NSUN3: variants seen among roughly 807,000 people sequenced by gnomAD.
NSUN3 encodes NOP2/Sun RNA methyltransferase 3, also known as tRNA (cytosine(34)-C(5))-methyltransferase, mitochondrial.
Under a neutral mutation model 36.8 loss-of-function variants are expected in NSUN3, and 24 were observed. The ratio of observed to expected loss-of-function variants is 0.65; its 90% CI spans 0.47 to 0.92. The LOEUF is 0.92. Among genes scored for constraint, NSUN3 ranks in the 40% least tolerant of loss-of-function variants. The probability of loss-of-function intolerance (pLI) is 0.00; values close to 1 mark genes in which losing one functional copy is unlikely to be tolerated. For synonymous variants in NSUN3, 146 were observed against 145.2 expected (o/e 1.01, Z -0.04); for missense variants, 381 against 392.8 (o/e 0.97, Z 0.25).
chr3:94,113,349 A>G (rs191243966), intron 5 of NSUN3, among the ~76,000 whole-genome samples: 43 of 152,356 alleles, frequency 2.8e-4, no homozygotes, highest in Admixed American at 2.4e-3. Flanking sequence ...TTTTGTACAA[A>G]TAACTGTCTT....
chr3:94,078,732 T>C (rs1197106273), intron 2 of NSUN3, among the ~76,000 whole-genome samples: 1 of 152,192 alleles, frequency 6.6e-6, no homozygotes, highest in Admixed American at 6.5e-5. Flanking sequence ...TAAAGTCTGT[T>C]TTATCAGAGA....
intron 5 of NSUN3, among the ~76,000 whole-genome samples, chr3:94,124,082 T>A (rs2077474941): frequency 6.6e-6 from 1 of 151,526 alleles, no homozygotes. Context: ...AGAGTTGCCA[T>A]AACAAAATAA....
At chr3:94,092,536 G>A (rs1327913086) in intron 3 of NSUN3, among the ~76,000 whole-genome samples, 3 of 152,192 alleles carry the variant, frequency 2.0e-5, no homozygotes. Context: ...CTGTACAGAT[G>A]TGCTTTAAGA....
chr3:94,086,908 A>G (rs2077294711), intron 3 of NSUN3, among the ~76,000 whole-genome samples: 1 of 152,228 alleles, frequency 6.6e-6, no homozygotes, highest in Non-Finnish European at 1.5e-5. Context: ...TTTTAGTATT[A>G]TAAAGGATGA....
intron 2 of NSUN3, among the ~76,000 whole-genome samples, chr3:94,073,244 A>G (rs1309137384): frequency 6.6e-6 from 1 of 152,170 alleles, no homozygotes; most frequent in Non-Finnish European, 1.5e-5. Context: ...GCTCTTGTGA[A>G]TAGTGCTGCA....
chr3:94,095,723 A>G (rs2077335754), intron 5 of NSUN3, among the ~76,000 whole-genome samples: 1 of 151,980 alleles, frequency 6.6e-6, no homozygotes, highest in Non-Finnish European at 1.5e-5. Flanking sequence ...CTCTTGTTTA[A>G]TGCTAAACCA....
chr3:94,124,148 C>A (rs1308931206), intron 5 of NSUN3, among the ~76,000 whole-genome samples: 2 of 88,190 alleles, frequency 2.3e-5, no homozygotes, highest in South Asian at 4.6e-4. Flanking sequence ...TATTTTATTT[C>A]TTTTTTTTTT....
intron 3 of NSUN3, among the ~76,000 whole-genome samples, chr3:94,092,570 C>T (rs951237094): frequency 1.3e-5 from 2 of 151,912 alleles, no homozygotes; most frequent in Non-Finnish European, 2.9e-5. Context: ...CTCTTCTCAA[C>T]AAAATTGATG....
At position 94,126,635 on chromosome 3, in the gene NSUN3, G is replaced by A. The variant is rs115303426; in HGVS notation, c.*145G>A. Reference sequence around the variant, plus strand: ...TAATACTTTAGCATCTTAGAATCTAGGCTTGAGAATTGTTCAGGTGTATTT... The same window carrying A: ...TAATACTTTAGCATCTTAGAATCTAAGCTTGAGAATTGTTCAGGTGTATTT... On this transcript the variant is annotated 3_prime_UTR_variant, in exon 6 of 6. Transcript: ENST00000314622. The A allele has an allele frequency of 7.4e-4, 520 of 700,750 alleles. 3 individuals are homozygous for A. In the African/African-American group the frequency reaches 8.5e-3, roughly 11 times the overall value. 43.4% of individuals were successfully genotyped at this position (700,750 alleles called of 1,614,324 possible). A position where few individuals can be genotyped will look rare whatever the true frequency, so the allele number is the denominator to read the frequency against.
At chr3:94,112,244 C>G (rs2077420773) in intron 5 of NSUN3, among the ~76,000 whole-genome samples, 1 of 152,284 alleles carries the variant, frequency 6.6e-6, no homozygotes, top group African/African-American at 2.4e-5. Context: ...TAATACTTGA[C>G]CAAATATCTG....
intron 5 of NSUN3, among the ~76,000 whole-genome samples, chr3:94,095,913 A>ATTTT (rs60524751): frequency 8.0e-6 from 1 of 124,530 alleles, no homozygotes; most frequent in Non-Finnish European, 1.7e-5. Context: ...AGCCTAGCTA[A>ATTTT]TTTTTTTTTT....
intron 3 of NSUN3, among the ~76,000 whole-genome samples, chr3:94,086,474 TG>T (rs1377900499): frequency 6.6e-6 from 1 of 152,248 alleles, no homozygotes; most frequent in African/African-American, 2.4e-5. Flanking sequence ...CAAGCCTTCC[TG>T]TCCCTTAGAA....
intron 2 of NSUN3, among the ~76,000 whole-genome samples, chr3:94,064,778 G>C (rs895720204): frequency 2.6e-5 from 4 of 152,126 alleles, no homozygotes; most frequent in African/African-American, 9.7e-5. Flanking sequence ...TTACGCCTTT[G>C]CTTTGAGCAA....
intron 5 of NSUN3, among the ~76,000 whole-genome samples, chr3:94,108,099 T>G (rs2077398276): frequency 6.6e-6 from 1 of 151,802 alleles, no homozygotes; most frequent in South Asian, 2.1e-4. Flanking sequence ...AATTTTTATT[T>G]TGATATAATT....
chr3:94,094,945 C>A, intron 4 of NSUN3, 88 bp from the exon 5 acceptor site: 2 of 1,307,222 alleles, frequency 1.5e-6, no homozygotes, highest in Non-Finnish European at 2.1e-6. Flanking sequence ...TATTTGTTTA[C>A]CATGTTTTAG....
intron 3 of NSUN3, among the ~76,000 whole-genome samples, chr3:94,090,723 C>T (rs2077311531): frequency 6.6e-6 from 1 of 152,008 alleles, no homozygotes; most frequent in African/African-American, 2.4e-5. Context: ...ACTTAGTGGC[C>T]AAAACCTAAG....
chr3:94,075,147 C>T (rs2077241134), intron 2 of NSUN3, among the ~76,000 whole-genome samples: 1 of 151,628 alleles, frequency 6.6e-6, no homozygotes, highest in Non-Finnish European at 1.5e-5. Context: ...AAAACAAATA[C>T]AAGTTATTGA....
intron 2 of NSUN3, among the ~76,000 whole-genome samples, chr3:94,073,888 G>A (rs1011346530): frequency 6.6e-5 from 10 of 152,286 alleles, no homozygotes; most frequent in Non-Finnish European, 1.3e-4. Flanking sequence ...CCTATGTCCT[G>A]AATGGTATTG....
intron 5 of NSUN3, among the ~76,000 whole-genome samples, chr3:94,096,917 A>G (rs1289408710): frequency 6.6e-6 from 1 of 152,312 alleles, no homozygotes; most frequent in East Asian, 1.9e-4. Flanking sequence ...TTTTAAAACC[A>G]TAAGTAAGCA....
Sources: allele counts gnomAD v4.1 joint callset (sites outside exome capture counted in the v4.1 genomes callset), GRCh38; gene constraint gnomAD v4.1.1; transcripts MANE v1.5; gene names NCBI Gene and HGNC (gene_info 2026-07-23, HGNC 2026-07-21).